Variants in TENM3 observed in about 807,000 individuals in gnomAD.
TENM3 encodes teneurin transmembrane protein 3, also known as teneurin-3.
A neutral mutation model predicts 255.1 loss-of-function variants in TENM3; 63 were observed. That is an observed-to-expected ratio of 0.25 (90% CI 0.20 to 0.30). TENM3 has a LOEUF of 0.30. Ranked by LOEUF, TENM3 falls within the 10% of genes least tolerant of loss-of-function variation. TENM3 has a pLI of 1.00. For synonymous variants in TENM3, 1,306 were observed against 1,322.3 expected, an observed-to-expected ratio of 0.99 and a Z score of 0.27; for missense variants, 2,929 against 3,461.1, an observed-to-expected ratio of 0.85 and a Z score of 3.86.
At chr4:181,714,396 T>A in the TENM3 span, among the ~76,000 whole-genome samples, 1 of 152,120 alleles carries the variant, frequency 6.6e-6, no homozygotes, top group Non-Finnish European at 1.5e-5. Flanking sequence ...TGAGCTATGT[T>A]CACACCACTG....
At chr4:181,805,446 C>T in the TENM3 span, among the ~76,000 whole-genome samples, 3 of 152,150 alleles carry the variant, frequency 2.0e-5, no homozygotes, top group African/African-American at 7.2e-5. Flanking sequence ...ATTCTTTTGC[C>T]TTCATTCAAG....
chr4:182,497,241 C>T (rs538379569), intron 3 of TENM3, among the ~76,000 whole-genome samples: 4 of 151,966 alleles, frequency 2.6e-5, no homozygotes, highest in African/African-American at 7.2e-5. Flanking sequence ...TTTTAGTAGA[C>T]GGGGTTTCAC....
chr4:182,341,830 T>A (rs931087163), intron 2 of TENM3, among the ~76,000 whole-genome samples: 1 of 152,152 alleles, frequency 6.6e-6, no homozygotes, highest in Non-Finnish European at 1.5e-5. Context: ...AAATAATAAA[T>A]TTGCATAGCA....
chr4:182,402,348 C>G (rs763306424), intron 3 of TENM3, among the ~76,000 whole-genome samples: 13 of 152,176 alleles, frequency 8.5e-5, no homozygotes, highest in Non-Finnish European at 1.3e-4. Context: ...CCCTCAGTGA[C>G]TTTTGTACAG....
the TENM3 span, among the ~76,000 whole-genome samples, chr4:181,950,974 G>A: frequency 6.6e-6 from 1 of 152,206 alleles, no homozygotes; most frequent in South Asian, 2.1e-4. Flanking sequence ...CCCAGGAGGT[G>A]GAAGCTGCAG....
chr4:182,634,329 A>G (rs746096159), intron 5 of TENM3, among the ~76,000 whole-genome samples: 1 of 149,942 alleles, frequency 6.7e-6, no homozygotes, highest in African/African-American at 2.5e-5. Context: ...AAAAGTAGCC[A>G]TAACTGGGAG....
the TENM3 span, among the ~76,000 whole-genome samples, chr4:181,918,600 TC>T: frequency 3.3e-5 from 5 of 152,220 alleles, no homozygotes; most frequent in Non-Finnish European, 7.4e-5. Flanking sequence ...AGATTAAATG[TC>T]CTGATTATTT....
the TENM3 span, among the ~76,000 whole-genome samples, chr4:181,567,470 A>C: frequency 6.6e-6 from 1 of 152,244 alleles, no homozygotes; most frequent in Non-Finnish European, 1.5e-5. Flanking sequence ...TAATTACCAC[A>C]TCAGGCAGAC....
At chr4:181,527,652 A>G in the TENM3 span, among the ~76,000 whole-genome samples, 1 of 149,676 alleles carries the variant, frequency 6.7e-6, no homozygotes, top group Non-Finnish European at 1.5e-5. Flanking sequence ...ATATAAAAGG[A>G]TAATAGAATG....
chr4:181,997,091 A>G, the TENM3 span, among the ~76,000 whole-genome samples: 2 of 152,206 alleles, frequency 1.3e-5, no homozygotes, highest in Non-Finnish European at 2.9e-5. Flanking sequence ...GGCAGAAGAC[A>G]ACCTTAGAGA....
chr4:182,699,925 A>G (rs535885111), intron 12 of TENM3, among the ~76,000 whole-genome samples: 2 of 152,136 alleles, frequency 1.3e-5, no homozygotes, highest in South Asian at 2.1e-4. Context: ...TTAACCAGAA[A>G]TAAAGATAGA....
the TENM3 span, among the ~76,000 whole-genome samples, chr4:181,866,843 A>G: frequency 1.5e-4 from 23 of 151,982 alleles, no homozygotes; most frequent in African/African-American, 5.6e-4. Context: ...CTCTTCTCTG[A>G]TTGCTTCCTC....
At chr4:182,747,237 C>T (rs559367146) in intron 19 of TENM3, among the ~76,000 whole-genome samples, 1 of 152,266 alleles carries the variant, frequency 6.6e-6, no homozygotes, top group East Asian at 1.9e-4. Context: ...ATTTCATATA[C>T]TGTAAACAGT....
At chr4:182,480,586 A>C (rs1430644386) in intron 3 of TENM3, among the ~76,000 whole-genome samples, 6 of 152,144 alleles carry the variant, frequency 3.9e-5, no homozygotes, top group African/African-American at 7.2e-5. Context: ...ATTTAATTTT[A>C]AAAAGTGTCT....
chr4:182,161,365 G>T (rs1751160955), intron 1 of TENM3, among the ~76,000 whole-genome samples: 1 of 121,882 alleles, frequency 8.2e-6, no homozygotes, highest in African/African-American at 3.2e-5. Flanking sequence ...GCAGTGAGCC[G>T]AGATCGCGCC....
At chr4:182,013,053 C>T in the TENM3 span, among the ~76,000 whole-genome samples, 1 of 152,106 alleles carries the variant, frequency 6.6e-6, no homozygotes, top group Non-Finnish European at 1.5e-5. Context: ...CATCAATTTA[C>T]TTGTCCATTA....
At chr4:182,324,988 A>C (rs1257800798) in intron 2 of TENM3, among the ~76,000 whole-genome samples, 1 of 152,188 alleles carries the variant, frequency 6.6e-6, no homozygotes, top group Non-Finnish European at 1.5e-5. Context: ...TTAAGACAGT[A>C]GGTTATTTTT....
At chr4:182,541,364 T>C (rs1251382602) in intron 3 of TENM3, among the ~76,000 whole-genome samples, 1 of 152,154 alleles carries the variant, frequency 6.6e-6, no homozygotes, top group Non-Finnish European at 1.5e-5. Flanking sequence ...CCTTAAAGCC[T>C]CAAAATAGAG....
At chr4:182,426,899 T>C (rs975819363) in intron 3 of TENM3, among the ~76,000 whole-genome samples, 1 of 152,188 alleles carries the variant, frequency 6.6e-6, no homozygotes, top group African/African-American at 2.4e-5. Context: ...TTGAAAAATA[T>C]TGAATTTCTA....
Sources: gnomAD v4.1 joint callset for allele counts (sites outside exome capture counted in the v4.1 genomes callset) on GRCh38, gnomAD v4.1.1 for gene constraint, MANE v1.5 for transcripts, NCBI Gene and HGNC (gene_info 2026-07-23, HGNC 2026-07-21) for gene names.